SGCG: variants seen among roughly 807,000 people sequenced by gnomAD.
SGCG encodes gamma-sarcoglycan.
A neutral mutation model predicts 29.3 loss-of-function variants in SGCG; 26 were observed. The observed-to-expected ratio is 0.89, with a 90% CI of 0.65 to 1.23. The LOEUF (loss-of-function observed/expected upper bound fraction) is 1.23. Among genes scored for constraint, SGCG ranks in the 50% most tolerant of loss-of-function variants. SGCG has a pLI of 0.00. For missense variants in SGCG, 353 were observed against 356.0 expected (o/e 0.99, Z 0.07); for synonymous variants, 145 against 129.7 (o/e 1.12, Z -0.80).
intron 1 of SGCG, among the ~76,000 whole-genome samples, chr13:23,189,564 A>G (rs757725907): frequency 6.6e-6 from 1 of 152,206 alleles, no homozygotes; most frequent in African/African-American, 2.4e-5. Context: ...CTGTAGAATA[A>G]CAATTAAAAA....
chr13:23,260,097 C>T (rs948719362), intron 4 of SGCG, among the ~76,000 whole-genome samples: 2 of 152,114 alleles, frequency 1.3e-5, no homozygotes, highest in African/African-American at 4.8e-5. Context: ...CCTGGATATC[C>T]TTGTTAACCT....
intron 7 of SGCG, among the ~76,000 whole-genome samples, chr13:23,321,301 G>T (rs1000715894): frequency 1.3e-5 from 2 of 152,096 alleles, no homozygotes; most frequent in Admixed American, 6.5e-5. Flanking sequence ...CAGGGGATTT[G>T]TTCCAAGACC....
intron 4 of SGCG, among the ~76,000 whole-genome samples, chr13:23,267,309 G>C (rs1461033953): frequency 6.6e-6 from 1 of 152,174 alleles, no homozygotes; most frequent in Admixed American, 6.5e-5. Context: ...CCTCTACTCT[G>C]AGGAGTGTCT....
chr13:23,178,158 G>T (rs1225738553), upstream of SGCG, among the ~76,000 whole-genome samples: 1 of 152,182 alleles, frequency 6.6e-6, no homozygotes, highest in Admixed American at 6.5e-5. Context: ...CAGTCCCTAG[G>T]TGTGTAGGAT....
At chr13:23,276,582 G>A (rs1258485879) in intron 4 of SGCG, among the ~76,000 whole-genome samples, 5 of 151,920 alleles carry the variant, frequency 3.3e-5, no homozygotes, top group African/African-American at 7.3e-5. Flanking sequence ...ACAGGCGCAC[G>A]CCGCCACACC....
intron 1 of SGCG, among the ~76,000 whole-genome samples, chr13:23,190,229 A>C (rs1196308559): frequency 6.6e-6 from 1 of 152,112 alleles, no homozygotes; most frequent in Non-Finnish European, 1.5e-5. Context: ...GTCTTGATTG[A>C]TTGATAATAT....
At chr13:23,312,495 T>C (rs1882640073) in intron 6 of SGCG, among the ~76,000 whole-genome samples, 1 of 152,240 alleles carries the variant, frequency 6.6e-6, no homozygotes, top group South Asian at 2.1e-4. Flanking sequence ...ATAACTGTAC[T>C]TCTATAAGAT....
chr13:23,215,811 A>C lies in SGCG; in HGVS notation c.195+11922A>C, dbSNP rs972129530. ...AGTAAGCTGAGAGTTAAAAAAAAAA[A>C]AACTAAAACAAAGACATATTTTGTG... is the stretch of plus-strand genomic sequence containing the variant. On this transcript the variant is annotated intron_variant, in intron 2 of 7. Coordinates refer to ENST00000218867, the MANE Select transcript of SGCG (RefSeq NM_000231.3). Among the ~76,000 whole-genome samples, 235 of 152,168 alleles carry C rather than the reference A, an allele frequency of 1.5e-3. 1 individual carries two copies. Among genetic ancestry groups the C allele is most frequent in the Middle Eastern group, 0.01 (3 of 294 alleles).
chr13:23,251,775 A>C (rs1879979093), intron 4 of SGCG, among the ~76,000 whole-genome samples: 2 of 152,288 alleles, frequency 1.3e-5, no homozygotes, highest in Admixed American at 1.3e-4. Flanking sequence ...ATATATATTC[A>C]CTATACTATT....
rs541895953 is a variant in SGCG, at chr13:23,282,846, G to T, written c.505+3368G>T. Among the ~76,000 whole-genome samples, 31 of 152,240 alleles carry T rather than the reference G, an allele frequency of 2.0e-4. No individual in the cohort carries two copies. The East Asian group carries it at 5.2e-3, about 26-fold the overall frequency. ...CCTGTGCATTGCAGGACATTTAGCG[G>T]CATTCTTAGCCATTTAGTGGCATCC... On this transcript the variant is annotated intron_variant, in intron 5 of 7. Transcript: ENST00000218867.
intron 5 of SGCG, among the ~76,000 whole-genome samples, chr13:23,294,407 T>C (rs569121264): frequency 6.6e-6 from 1 of 152,242 alleles, no homozygotes; most frequent in African/African-American, 2.4e-5. Context: ...TGTTTATTCC[T>C]GGACACTCAG....
In SGCG at chr13:23,189,404, T is replaced by C. The variant is rs191703986; in HGVS notation, c.-1+8329T>C. ...GTTGCCCAGGCTGGTGTCGAACTCCTGAGCTCAGGGAATCCACCTGCCTTG... is the reference window on the plus strand; with the variant it reads ...GTTGCCCAGGCTGGTGTCGAACTCCCGAGCTCAGGGAATCCACCTGCCTTG... On this transcript the variant is annotated intron_variant, in intron 1 of 7. Coordinates refer to ENST00000218867, the MANE Select transcript of SGCG (RefSeq NM_000231.3). Among the ~76,000 whole-genome samples the C allele has an allele frequency of 3.2e-4, 48 of 152,340 alleles. 1 individual carries two copies. The East Asian group carries it at 9.1e-3, about 29-fold the overall frequency.
intron 2 of SGCG, among the ~76,000 whole-genome samples, chr13:23,219,476 T>C (rs936306548): frequency 6.6e-6 from 1 of 152,192 alleles, no homozygotes; most frequent in African/African-American, 2.4e-5. Flanking sequence ...TCAGGGGATT[T>C]TGTTTATTTA....
At chr13:23,227,886 C>T (rs552743373) in intron 2 of SGCG, among the ~76,000 whole-genome samples, 1 of 152,350 alleles carries the variant, frequency 6.6e-6, no homozygotes, top group Admixed American at 6.5e-5. Context: ...TCACAGCTCA[C>T]TTCAGCCTCT....
chr13:23,240,947 A>T (rs1879480726), intron 3 of SGCG, among the ~76,000 whole-genome samples: 1 of 152,052 alleles, frequency 6.6e-6, no homozygotes, highest in Non-Finnish European at 1.5e-5. Flanking sequence ...AGGTCAGGAG[A>T]TCGAGACCAT....
At chr13:23,194,541 T>C (rs1877407643) in intron 1 of SGCG, among the ~76,000 whole-genome samples, 1 of 152,170 alleles carries the variant, frequency 6.6e-6, no homozygotes. Context: ...TCTCTCCAAG[T>C]GGCGGAGGGA....
At chr13:23,162,999 A>G in the SGCG span, among the ~76,000 whole-genome samples, 1 of 152,198 alleles carries the variant, frequency 6.6e-6, no homozygotes, top group Non-Finnish European at 1.5e-5. Flanking sequence ...ATTGTAGGAA[A>G]ATGATTTATA....
chr13:23,187,519 C>T (rs1330084669), intron 1 of SGCG, among the ~76,000 whole-genome samples: 2 of 152,202 alleles, frequency 1.3e-5, no homozygotes, highest in Non-Finnish European at 2.9e-5. Flanking sequence ...CCACCCATTG[C>T]AGTGTGGCAG....
chr13:23,320,564 G>T, intron 6 of SGCG, 73 bp from the exon 7 acceptor site: 1 of 1,298,444 alleles, frequency 7.7e-7, no homozygotes, highest in Non-Finnish European at 1.1e-6. Flanking sequence ...CCCATGCTAA[G>T]TTGAGGGATT....
Sources: gnomAD v4.1 joint callset for allele counts (sites outside exome capture counted in the v4.1 genomes callset) on GRCh38, gnomAD v4.1.1 for gene constraint, MANE v1.5 for transcripts, NCBI Gene and HGNC (gene_info 2026-07-23, HGNC 2026-07-21) for gene names.